Variants in EPHA6 observed in about 807,000 individuals in gnomAD.
EPHA6 encodes the protein EPH receptor A6.
A neutral mutation model predicts 112.0 loss-of-function variants in EPHA6; 50 were observed. The ratio of observed to expected loss-of-function variants is 0.45; its 90% CI spans 0.36 to 0.56. EPHA6 has a LOEUF of 0.56. Ranked by LOEUF, EPHA6 falls within the 20% of genes least tolerant of loss-of-function variation. The pLI is 0.00. For missense variants in EPHA6, 1,280 were observed against 1,417.4 expected (o/e 0.90, Z 1.56); for synonymous variants, 529 against 490.7 (o/e 1.08, Z -1.03).
chr3:97,332,246 TG>T (rs1042047615), intron 5 of EPHA6, among the ~76,000 whole-genome samples: 2 of 152,142 alleles, frequency 1.3e-5, no homozygotes, highest in African/African-American at 4.8e-5. Context: ...TAGGTATTGA[TG>T]GGACATATCT....
chr3:97,660,889 A>G (rs889637290), intron 14 of EPHA6, among the ~76,000 whole-genome samples: 1 of 152,174 alleles, frequency 6.6e-6, no homozygotes, highest in Admixed American at 6.6e-5. Context: ...AATTAAAATT[A>G]GTAAAATGTA....
intron 1 of EPHA6, among the ~76,000 whole-genome samples, chr3:96,818,580 ATATC>A (rs1041723125): frequency 2.7e-4 from 41 of 152,106 alleles, no homozygotes; most frequent in Admixed American, 9.2e-4. Flanking sequence ...ACAAATAAAT[ATATC>A]TAAGCAGAAA....
chr3:97,526,312 G>A (rs2092619021), intron 10 of EPHA6, among the ~76,000 whole-genome samples: 1 of 152,206 alleles, frequency 6.6e-6, no homozygotes, highest in South Asian at 2.1e-4. Context: ...ATCCACTGTG[G>A]AACAGAGGTT....
intron 3 of EPHA6, among the ~76,000 whole-genome samples, chr3:97,082,506 C>T (rs1159220189): frequency 4.6e-5 from 7 of 151,774 alleles, no homozygotes; most frequent in African/African-American, 1.7e-4. Context: ...GCTCAATTTT[C>T]CCCCTGCTTT....
intron 3 of EPHA6, among the ~76,000 whole-genome samples, chr3:97,096,244 T>TACAC (rs138232835): frequency 9.4e-5 from 14 of 149,634 alleles, no homozygotes; most frequent in Non-Finnish European, 1.9e-4. Context: ...TATATATATA[T>TACAC]ACACACACAC....
intron 5 of EPHA6, among the ~76,000 whole-genome samples, chr3:97,370,444 A>G (rs1396657271): frequency 1.3e-5 from 2 of 152,134 alleles, no homozygotes; most frequent in African/African-American, 4.8e-5. Context: ...AAATAGCACT[A>G]CTATATTATG....
At position 97,427,674 on chromosome 3, in the gene EPHA6, T is replaced by G. The variant is rs185175732; in HGVS notation, c.1732-20894T>G. Among the ~76,000 whole-genome samples, 146 of 151,292 alleles carry G rather than the reference T, an allele frequency of 9.7e-4. 1 individual carries two copies. Among genetic ancestry groups the G allele is most frequent in the Admixed American group, 9.4e-3 (143 of 15,158 alleles). ...CCTGTGTAACAAAACTGCACATGTA[T>G]CCTTAAAGTAAAATTAAAAAAAAAA... On this transcript the variant is annotated intron_variant, in intron 6 of 17. Coordinates refer to ENST00000389672, the MANE Select transcript of EPHA6 (RefSeq NM_001080448.3).
chr3:96,911,093 A>G (rs1380350194), intron 2 of EPHA6, among the ~76,000 whole-genome samples: 2 of 152,120 alleles, frequency 1.3e-5, no homozygotes, highest in East Asian at 1.9e-4. Context: ...GATGGCTATT[A>G]TAGTAAAATA....
chr3:97,469,295 ACT>A (rs1577496767), intron 7 of EPHA6, among the ~76,000 whole-genome samples: 1 of 151,220 alleles, frequency 6.6e-6, no homozygotes, highest in Non-Finnish European at 1.5e-5. Context: ...ATTATTTTCA[ACT>A]CTCTCTTTGT....
intron 2 of EPHA6, among the ~76,000 whole-genome samples, chr3:96,933,307 G>T (rs2040425360): frequency 6.6e-6 from 1 of 152,112 alleles, no homozygotes; most frequent in African/African-American, 2.4e-5. Context: ...TTTTAAAAAT[G>T]AGGTCCTGGT....
At chr3:96,837,580 C>A (rs535054029) in intron 1 of EPHA6, among the ~76,000 whole-genome samples, 1 of 152,100 alleles carries the variant, frequency 6.6e-6, no homozygotes, top group Admixed American at 6.6e-5. Flanking sequence ...ATGAGGCAGT[C>A]CTAAACTGTT....
chr3:97,562,826 G>A (rs758772242), intron 11 of EPHA6, among the ~76,000 whole-genome samples: 3 of 152,046 alleles, frequency 2.0e-5, no homozygotes, highest in African/African-American at 7.2e-5. Context: ...CCACCCCAAC[G>A]TTCGGATACA....
intron 3 of EPHA6, among the ~76,000 whole-genome samples, chr3:96,997,610 A>G (rs2043470142): frequency 6.6e-6 from 1 of 152,002 alleles, no homozygotes; most frequent in African/African-American, 2.4e-5. Context: ...GGCTTATGTG[A>G]GTATGGTTTA....
chr3:97,334,969 C>A (rs941829220), intron 5 of EPHA6, among the ~76,000 whole-genome samples: 4 of 151,856 alleles, frequency 2.6e-5, no homozygotes, highest in Admixed American at 2.6e-4. Context: ...GTTATAAACT[C>A]TGTCTTTGTG....
intron 3 of EPHA6, among the ~76,000 whole-genome samples, chr3:97,051,451 C>G (rs1319896868): frequency 6.6e-6 from 1 of 152,052 alleles, no homozygotes; most frequent in Non-Finnish European, 1.5e-5. Flanking sequence ...ATTACAAAAC[C>G]AGGCACTATA....
intron 3 of EPHA6, among the ~76,000 whole-genome samples, chr3:97,115,413 T>C (rs187176662): frequency 7.9e-5 from 12 of 151,852 alleles, no homozygotes; most frequent in South Asian, 4.1e-4. Context: ...CTGGAGTGAA[T>C]GGTGATAGTG....
intron 5 of EPHA6, among the ~76,000 whole-genome samples, chr3:97,360,328 T>A (rs2084309362): frequency 6.6e-6 from 1 of 152,212 alleles, no homozygotes. Flanking sequence ...AGACAGACTC[T>A]GCCAGTGCAA....
intron 10 of EPHA6, among the ~76,000 whole-genome samples, chr3:97,490,434 T>C (rs532187469): frequency 1.4e-4 from 22 of 152,322 alleles, no homozygotes; most frequent in African/African-American, 5.3e-4. Flanking sequence ...ATTGAGTTTA[T>C]GTAACAGGGG....
At chr3:97,199,384 A>C (rs1032463031) in intron 3 of EPHA6, among the ~76,000 whole-genome samples, 3 of 152,146 alleles carry the variant, frequency 2.0e-5, no homozygotes, top group African/African-American at 7.2e-5. Context: ...CTGGCTGTAC[A>C]TTAAAATAAC....
Sources: gnomAD v4.1 joint callset for allele counts (sites outside exome capture counted in the v4.1 genomes callset) on GRCh38, gnomAD v4.1.1 for gene constraint, MANE v1.5 for transcripts, NCBI Gene and HGNC (gene_info 2026-07-23, HGNC 2026-07-21) for gene names.